The following SNRK variants were observed in gnomAD, a reference collection of about 807,000 sequenced individuals.
SNRK encodes the protein SNF related kinase.
In SNRK, 3 loss-of-function variants were observed where a neutral mutation model predicts 48.2. That is an observed-to-expected ratio of 0.06 (90% confidence interval 0.03 to 0.16). The LOEUF (loss-of-function observed/expected upper bound fraction) is 0.16, where lower values mean the gene tolerates loss of function less well. Ranked by LOEUF, SNRK falls within the 10% of genes least tolerant of loss-of-function variation. The probability of loss-of-function intolerance (pLI) is 1.00; values close to 1 mark genes in which losing one functional copy is unlikely to be tolerated. For missense variants in SNRK, 627 were observed against 976.0 expected (o/e 0.64, Z 4.76); for synonymous variants, 376 against 366.1 (o/e 1.03, Z -0.31).
intron 4 of SNRK, among the ~76,000 whole-genome samples, chr3:43,337,713 A>T (rs2091202143): frequency 6.6e-6 from 1 of 152,190 alleles, no homozygotes; most frequent in Non-Finnish European, 1.5e-5. Context: ...TCATGGCAGA[A>T]AGTGAAGGGG....
chr3:43,346,739 T>A lies in SNRK; in HGVS notation c.1080-600T>A, dbSNP rs573497889. On this transcript the variant is annotated intron_variant, in intron 6 of 6. Coordinates refer to ENST00000296088, the MANE Select transcript of SNRK (RefSeq NM_017719.5). ...GCCTGAATAACAAAGAGTGAGACCC[T>A]GTCTCAAAAGCCAGATATTTATATT... Among the ~76,000 whole-genome samples, 110 of 152,326 alleles carry A rather than the reference T, an allele frequency of 7.2e-4. 1 individual carries two copies. The highest frequency in any genetic ancestry group is 2.6e-3 in the African/African-American group (106 of 41,562).
chr3:43,309,666 G>A (rs1290493454), intron 3 of SNRK, among the ~76,000 whole-genome samples: 2 of 151,398 alleles, frequency 1.3e-5, no homozygotes, highest in Non-Finnish European at 2.9e-5. Context: ...GCCCAGGCTG[G>A]AGTGTAGTGG....
At chr3:43,339,844 T>C (rs2091220737) in intron 4 of SNRK, among the ~76,000 whole-genome samples, 1 of 68,946 alleles carries the variant, frequency 1.5e-5, no homozygotes, top group African/African-American at 8.0e-5. Context: ...TATATATATA[T>C]ATATATATAT....
In SNRK at chr3:43,295,211, T is replaced by A. The variant is rs140129503; in HGVS notation, c.-168-4543T>A. Among the ~76,000 whole-genome samples the A allele has an allele frequency of 1.2e-4, 19 of 152,348 alleles. No individual in the cohort carries two copies. The East Asian group carries it at 3.5e-3, about 28-fold the overall frequency. On this transcript the variant is annotated intron_variant, in intron 1 of 6. Coordinates refer to ENST00000296088, the MANE Select transcript of SNRK (RefSeq NM_017719.5). ...TAAGTACTGTACATCAGTTAATGAT[T>A]TGCCTAACTCCTGAGTACATTCAGA... is the stretch of plus-strand genomic sequence containing the variant.
Position 43,348,855 on chromosome 3 carries a change from A to C in SNRK, c.*298A>C, listed in dbSNP as rs1575565830. On this transcript the variant is annotated 3_prime_UTR_variant, in exon 7 of 7. Transcript: ENST00000296088. ...ACCTCTTATAAATGGAGCACTTAGAAATTTGTTGTTCTGCACTTAACCTAG... is the reference window on the plus strand; with the variant it reads ...ACCTCTTATAAATGGAGCACTTAGACATTTGTTGTTCTGCACTTAACCTAG... 1 of 258,538 alleles carries C rather than the reference A, an allele frequency of 3.9e-6. No individual in the cohort carries two copies. Among genetic ancestry groups the C allele is most frequent in the Non-Finnish European group, 7.3e-6 (1 of 137,662 alleles). The allele number at this position is 258,538 out of a possible 1,614,324, so 16.0% of individuals were successfully genotyped here. A position where few individuals can be genotyped will look rare whatever the true frequency, so the allele number is the denominator to read the frequency against.
chr3:43,320,008 C>G (rs1249254711), intron 3 of SNRK, among the ~76,000 whole-genome samples: 1 of 152,094 alleles, frequency 6.6e-6, no homozygotes, highest in Admixed American at 6.5e-5. Context: ...ACAAGTGGAC[C>G]CGCAACTATT....
chr3:43,300,280 A>G (rs1287179100), intron 2 of SNRK, among the ~76,000 whole-genome samples: 2 of 152,144 alleles, frequency 1.3e-5, no homozygotes, highest in Non-Finnish European at 2.9e-5. Flanking sequence ...GAAGAGAAAC[A>G]TTAGGGTTTA....
rs1417985069 is a variant in SNRK, at chr3:43,347,803, A to G, written c.1544A>G (p.Asn515Ser). 2 of 1,614,180 alleles carry G rather than the reference A, an allele frequency of 1.2e-6. No homozygotes were observed. Among genetic ancestry groups the G allele is most frequent in the Non-Finnish European group, 1.7e-6 (2 of 1,180,044 alleles). Residue 515 changes from asparagine (N) to serine (S), a missense_variant, in exon 7 of 7, where the codon AAT (asparagine) becomes AGT (serine). Coordinates refer to ENST00000296088, the MANE Select transcript of SNRK (RefSeq NM_017719.5). The surrounding 1 kb of genome is among the most constrained non-coding windows in gnomAD (Gnocchi z 5.4). ...CCCAAGTTGAGCAGGTTAAAGATGA[A>G]TATAGCTTCTCCAGGTACAGTTCAC... The part of the protein sequence containing the change: ...LPPKLSRLKM[N>S]IASPGTVHKR...
chr3:43,293,697 T>C (rs2090830644), intron 1 of SNRK, among the ~76,000 whole-genome samples: 1 of 152,038 alleles, frequency 6.6e-6, no homozygotes, highest in South Asian at 2.1e-4. Flanking sequence ...GGTGAATCAC[T>C]TGAGGTCAGG....
At chr3:43,319,672 T>C (rs1270279055) in intron 3 of SNRK, among the ~76,000 whole-genome samples, 1 of 152,196 alleles carries the variant, frequency 6.6e-6, no homozygotes, top group East Asian at 1.9e-4. Context: ...ATTTTGTCAG[T>C]GTCCTGTCAC....
At chr3:43,293,835 T>C (rs1021689333) in intron 1 of SNRK, among the ~76,000 whole-genome samples, 3 of 151,974 alleles carry the variant, frequency 2.0e-5, no homozygotes, top group African/African-American at 4.8e-5. Flanking sequence ...AGGAGAATTG[T>C]TTGAACCTGG....
At chr3:43,310,219 C>T (rs191745481) in intron 3 of SNRK, among the ~76,000 whole-genome samples, 18 of 151,968 alleles carry the variant, frequency 1.2e-4, no homozygotes, top group African/African-American at 4.3e-4. Context: ...TTGGACTTGT[C>T]CTATCTTATT....
chr3:43,307,134 C>T (rs1192281115), intron 3 of SNRK, among the ~76,000 whole-genome samples: 1 of 152,106 alleles, frequency 6.6e-6, no homozygotes, highest in East Asian at 1.9e-4. Flanking sequence ...CTTCTATTCT[C>T]ATCTGTGAAT....
chr3:43,344,412 T>TC (rs1414610430), intron 6 of SNRK, among the ~76,000 whole-genome samples: 2 of 152,192 alleles, frequency 1.3e-5, no homozygotes, highest in African/African-American at 2.4e-5. Flanking sequence ...TGTGTGTACC[T>TC]CCAAGTATTT....
At chr3:43,334,606 T>A (rs1308823197) in intron 4 of SNRK, among the ~76,000 whole-genome samples, 1 of 152,094 alleles carries the variant, frequency 6.6e-6, no homozygotes, top group Admixed American at 6.5e-5. Flanking sequence ...TATCTTTTTT[T>A]TTTTTTGAGA....
chr3:43,315,492 T>C (rs2091007409), intron 3 of SNRK, among the ~76,000 whole-genome samples: 1 of 152,192 alleles, frequency 6.6e-6, no homozygotes, highest in Non-Finnish European at 1.5e-5. Context: ...AACTTTTATA[T>C]TACTTCCTCT....
Position 43,348,004 on chromosome 3 carries a change from G to A in SNRK, c.1745G>A (p.Gly582Asp), listed in dbSNP as rs2091290924. The change falls in exon 7 of 7, where the codon GGC becomes GAC. Residue 582 changes from glycine (G) to aspartate (D), a missense_variant. This residue lies in a region of SNRK where 98 missense variants were observed against 175.2 expected (regional missense o/e 0.56). Transcript: ENST00000296088. Reference sequence around the variant, plus strand: ...CCTGGCAGTGAGGGGGATGGCGGGGGCCAGAGCAAGCCAAGCAATGCCAGT... The same window carrying A: ...CCTGGCAGTGAGGGGGATGGCGGGGACCAGAGCAAGCCAAGCAATGCCAGT... Reference protein sequence around the residue: ...GPPGSEGDGGGQSKPSNASGG... With the variant: ...GPPGSEGDGGDQSKPSNASGG... The A allele has an allele frequency of 1.2e-6, 2 of 1,612,820 alleles. No homozygotes were observed. The highest frequency in any genetic ancestry group is 1.1e-5 in the South Asian group (1 of 90,954).
Position 43,347,578 on chromosome 3 carries a change from A to G in SNRK, c.1319A>G (p.Lys440Arg). The part of the protein sequence containing the change: ...ASLKPTASGR[K>R]CLFRVEEDEE... The stretch of plus-strand genomic sequence containing the variant: ...TTAAAACCCACAGCCAGTGGGCGGA[A>G]GTGTCTGTTCAGGGTGGAAGAAGAT... Residue 440 changes from lysine to arginine, a missense_variant, in exon 7 of 7, where the codon AAG becomes AGG. This residue lies in a region of SNRK where 175 missense variants were observed against 209.7 expected (regional missense o/e 0.83). Transcript: ENST00000296088. The surrounding 1 kb of genome is among the most constrained non-coding windows in gnomAD (Gnocchi z 5.4). The G allele has an allele frequency of 6.2e-7, 1 of 1,614,048 alleles. No homozygotes were observed. The highest frequency in any genetic ancestry group is 8.5e-7 in the Non-Finnish European group (1 of 1,179,994).
intron 1 of SNRK, among the ~76,000 whole-genome samples, chr3:43,294,560 TA>T (rs1221059456): frequency 6.6e-6 from 1 of 152,152 alleles, no homozygotes; most frequent in Non-Finnish European, 1.5e-5. Flanking sequence ...TTGGATTTCG[TA>T]TTTTCACCTT....
Sources: gnomAD v4.1 joint callset for allele counts (sites outside exome capture counted in the v4.1 genomes callset) on GRCh38, gnomAD v4.1.1 for gene constraint, gnomAD v4.1.1 regional missense constraint, Gnocchi (gnomAD v3.1) non-coding constraint, MANE v1.5 for transcripts, NCBI Gene and HGNC (gene_info 2026-07-23, HGNC 2026-07-21) for gene names.